The following UBR3 variants were observed in gnomAD, a reference collection of about 807,000 sequenced individuals.
UBR3 encodes E3 ubiquitin-protein ligase UBR3.
In UBR3, 85 loss-of-function variants were observed where a neutral mutation model predicts 243.2. The observed-to-expected ratio is 0.35, with a 90% CI of 0.29 to 0.42. The LOEUF (loss-of-function observed/expected upper bound fraction) is 0.42, where lower values mean the gene tolerates loss of function less well. Among genes scored for constraint, UBR3 ranks in the 10% least tolerant of loss-of-function variants. UBR3 has a pLI of 1.00. For missense variants in UBR3, 1,686 were observed against 2,300.8 expected (o/e 0.73, Z 5.47); for synonymous variants, 748 against 799.8 (o/e 0.94, Z 1.09).
chr2:170,019,670 G>A (rs1018475068), intron 30 of UBR3, among the ~76,000 whole-genome samples: 2 of 152,060 alleles, frequency 1.3e-5, no homozygotes, highest in African/African-American at 4.8e-5. Context: ...GGGTGACAAA[G>A]CAAGATACTG....
intron 8 of UBR3, among the ~76,000 whole-genome samples, chr2:169,898,256 C>G (rs1163657215): frequency 6.6e-6 from 1 of 152,158 alleles, no homozygotes; most frequent in East Asian, 1.9e-4. Context: ...CCTGTTTTCT[C>G]CTTATACTGA....
chr2:169,967,002 G>T (rs1001546946), intron 24 of UBR3, among the ~76,000 whole-genome samples: 1 of 151,938 alleles, frequency 6.6e-6, no homozygotes, highest in African/African-American at 2.4e-5. Context: ...ACATATTTTT[G>T]TATGTTAACT....
At chr2:170,050,028 T>C (rs1018764866) in intron 32 of UBR3, among the ~76,000 whole-genome samples, 1 of 152,214 alleles carries the variant, frequency 6.6e-6, no homozygotes, top group Non-Finnish European at 1.5e-5. Flanking sequence ...GTTGGCAGTT[T>C]ATTGGACCCA....
At chr2:169,944,614 G>A (rs1470266008) in intron 20 of UBR3, among the ~76,000 whole-genome samples, 1 of 151,598 alleles carries the variant, frequency 6.6e-6, no homozygotes, top group African/African-American at 2.4e-5. Flanking sequence ...ATCAATTTTA[G>A]TAAACCACCT....
intron 30 of UBR3, among the ~76,000 whole-genome samples, chr2:170,027,574 A>T (rs1396694147): frequency 2.0e-5 from 3 of 151,822 alleles, no homozygotes; most frequent in African/African-American, 7.2e-5. Context: ...GGAAACTAAG[A>T]TGATCCACCT....
At chr2:169,876,100 T>C (rs568156629) in intron 3 of UBR3, among the ~76,000 whole-genome samples, 151 bp downstream of exon 3, 52 of 151,760 alleles carry the variant, frequency 3.4e-4, no homozygotes, top group Non-Finnish European at 6.5e-4. Context: ...TTTTTTTTTT[T>C]TGAGACGGAG....
At chr2:169,948,226 T>G (rs1426803331) in intron 22 of UBR3, among the ~76,000 whole-genome samples, 1 of 152,014 alleles carries the variant, frequency 6.6e-6, no homozygotes, top group Non-Finnish European at 1.5e-5. Context: ...TATTTGAGTC[T>G]CTTTACATTC....
intron 10 of UBR3, among the ~76,000 whole-genome samples, chr2:169,907,506 T>G (rs1332557564): frequency 3.9e-5 from 6 of 152,288 alleles, no homozygotes; most frequent in African/African-American, 1.2e-4. Context: ...CCTGCTTTTT[T>G]CCTTTATTTC....
intron 30 of UBR3, among the ~76,000 whole-genome samples, chr2:170,026,802 G>A (rs1296460233): frequency 5.9e-5 from 9 of 151,970 alleles, no homozygotes; most frequent in African/African-American, 1.9e-4. Context: ...TATATGTCAT[G>A]CATGCAGTTG....
At chr2:169,912,756 A>G (rs2085302110) in intron 10 of UBR3, among the ~76,000 whole-genome samples, 1 of 150,834 alleles carries the variant, frequency 6.6e-6, no homozygotes, top group Non-Finnish European at 1.5e-5. Flanking sequence ...GTAACTCTAT[A>G]TTTAACTTAC....
intron 25 of UBR3, among the ~76,000 whole-genome samples, chr2:169,988,274 C>T (rs1459376778): frequency 6.6e-6 from 1 of 152,136 alleles, no homozygotes; most frequent in African/African-American, 2.4e-5. Context: ...TTATTGAGCT[C>T]CTAGGTGTCA....
chr2:169,913,576 C>A (rs1181138958), intron 10 of UBR3, among the ~76,000 whole-genome samples: 1 of 152,006 alleles, frequency 6.6e-6, no homozygotes, highest in African/African-American at 2.4e-5. Context: ...ATGCTCTGCC[C>A]TTTCTTTTTA....
intron 36 of UBR3, among the ~76,000 whole-genome samples, chr2:170,078,879 G>A (rs1178607331): frequency 6.6e-6 from 1 of 152,200 alleles, no homozygotes; most frequent in Non-Finnish European, 1.5e-5. Flanking sequence ...CATCCTTGGA[G>A]TCCAGGGTTG....
chr2:170,007,235 T>C (rs1443727779), intron 28 of UBR3, 45 bp downstream of exon 28: 2 of 1,531,286 alleles, frequency 1.3e-6, no homozygotes, highest in Non-Finnish European at 1.8e-6. Context: ...AACTCAGCTC[T>C]GATTTTCTGC....
At chr2:169,875,530 G>C (rs2083575697) in intron 2 of UBR3, among the ~76,000 whole-genome samples, 1 of 152,106 alleles carries the variant, frequency 6.6e-6, no homozygotes, top group African/African-American at 2.4e-5. Flanking sequence ...CACAAATTAA[G>C]TGCTTCATAT....
intron 1 of UBR3, among the ~76,000 whole-genome samples, chr2:169,830,299 C>T (rs2081892356): frequency 6.6e-6 from 1 of 152,090 alleles, no homozygotes; most frequent in Non-Finnish European, 1.5e-5. Context: ...AATTGCCCTC[C>T]CTAAGGCTTA....
Position 169,842,300 on chromosome 2 carries a change from C to G in UBR3, c.545+14248C>G, listed in dbSNP as rs192290542. On this transcript the variant is annotated intron_variant, in intron 1 of 38. Transcript: ENST00000272793. The stretch of plus-strand genomic sequence containing the variant: ...CTGTATCTAACTAATCTGATGGGGA[C>G]GTGGAGAACCTTTGTATCTAGCTCA... Among the ~76,000 whole-genome samples the G allele has an allele frequency of 6.6e-3, 1,001 of 152,154 alleles. 6 individuals are homozygous for G. Among genetic ancestry groups the G allele is most frequent in the Admixed American group, 0.01 (159 of 15,282 alleles).
intron 36 of UBR3, among the ~76,000 whole-genome samples, chr2:170,075,243 T>C (rs1037032415): frequency 6.6e-6 from 1 of 152,154 alleles, no homozygotes; most frequent in African/African-American, 2.4e-5. Context: ...TCTTGCATAT[T>C]ACATATACAA....
Position 170,001,377 on chromosome 2 carries a change from A to C in UBR3, c.3992A>C (p.His1331Pro). Reference sequence around the variant, plus strand: ...GTACAAACCTGTGGTCACACATTACATATAGATTGTCATAAATCTTACATG... The same window carrying C: ...GTACAAACCTGTGGTCACACATTACCTATAGATTGTCATAAATCTTACATG... Reference protein sequence around the residue: ...VYVQTCGHTLHIDCHKSYMES... With the variant: ...VYVQTCGHTLPIDCHKSYMES... The change falls in exon 27 of 39, where the codon CAT becomes CCT. Residue 1331 changes from histidine to proline, a missense_variant. Coordinates refer to ENST00000272793, the MANE Select transcript of UBR3 (RefSeq NM_172070.4). The C allele has an allele frequency of 1.2e-6, 2 of 1,613,812 alleles. No homozygotes were observed. Among genetic ancestry groups the C allele is most frequent in the Non-Finnish European group, 1.7e-6 (2 of 1,179,818 alleles).
Sources: gnomAD v4.1 joint callset for allele counts (sites outside exome capture counted in the v4.1 genomes callset) on GRCh38, gnomAD v4.1.1 for gene constraint, MANE v1.5 for transcripts, NCBI Gene and HGNC (gene_info 2026-07-23, HGNC 2026-07-21) for gene names.